Variants in AOPEP observed in about 807,000 individuals in gnomAD.
The protein encoded by AOPEP is aminopeptidase O (putative), also known as aminopeptidase O.
Under a neutral mutation model 98.1 loss-of-function variants are expected in AOPEP, and 77 were observed. That is an observed-to-expected ratio of 0.78 (90% CI 0.65 to 0.95). The LOEUF is 0.95. Ranked by LOEUF, AOPEP falls within the 40% of genes least tolerant of loss-of-function variation. The pLI, the probability that AOPEP is intolerant of heterozygous loss-of-function variation, is 0.00. For missense variants in AOPEP, 1,024 were observed against 1,024.7 expected (o/e 1.00, Z 0.01); for synonymous variants, 346 against 365.3 (o/e 0.95, Z 0.60).
At chr9:95,041,273 C>G (rs1329717802) in intron 13 of AOPEP, among the ~76,000 whole-genome samples, 1 of 151,906 alleles carries the variant, frequency 6.6e-6, no homozygotes, top group Non-Finnish European at 1.5e-5. Flanking sequence ...GTGACTTGCG[C>G]TTTAATCAGT....
At chr9:94,792,720 G>A (rs1221346338) in intron 3 of AOPEP, 45 bp from the exon 4 acceptor site, 2 of 1,510,280 alleles carry the variant, frequency 1.3e-6, no homozygotes, top group African/African-American at 2.8e-5. Context: ...CAGAGCCCAG[G>A]ATCATATATT....
intron 3 of AOPEP, among the ~76,000 whole-genome samples, chr9:94,785,639 C>G (rs1478851537): frequency 6.6e-6 from 1 of 152,196 alleles, no homozygotes; most frequent in Non-Finnish European, 1.5e-5. Context: ...CTCTGTTAGT[C>G]TTGCTAATGA....
the AOPEP span, among the ~76,000 whole-genome samples, chr9:95,103,105 C>T: frequency 6.6e-6 from 1 of 152,156 alleles, no homozygotes; most frequent in African/African-American, 2.4e-5. Context: ...CTGTGGACCC[C>T]TTTCAGTTAA....
rs62579890 is a variant in AOPEP at position 95,003,288 on chromosome 9, A to G, written c.1978-1870A>G. On this transcript the variant is annotated intron_variant, in intron 11 of 16. Transcript: ENST00000375315. ...TATAAGTCTGTAAGATTTAATTTGC[A>G]ATAGTTGTCTTTATTCCTGTTACTG... Among the ~76,000 whole-genome samples, 1,286 of 152,358 alleles carry G rather than the reference A, an allele frequency of 8.4e-3. 10 individuals carry two copies. Among genetic ancestry groups the G allele is most frequent in the Middle Eastern group, 0.017 (5 of 294 alleles).
At chr9:94,968,708 T>G (rs761073914) in intron 10 of AOPEP, among the ~76,000 whole-genome samples, 2 of 152,212 alleles carry the variant, frequency 1.3e-5, no homozygotes, top group Non-Finnish European at 2.9e-5. Flanking sequence ...AATTTTAGTT[T>G]TTTAACCTAT....
chr9:94,997,759 C>T (rs1469330612), intron 11 of AOPEP, among the ~76,000 whole-genome samples: 1 of 152,174 alleles, frequency 6.6e-6, no homozygotes, highest in East Asian at 1.9e-4. Context: ...GGTGGCACAA[C>T]AGTGGCTCAC....
intron 11 of AOPEP, among the ~76,000 whole-genome samples, chr9:94,991,518 T>C (rs2060891823): frequency 1.3e-5 from 2 of 152,220 alleles, no homozygotes; most frequent in African/African-American, 2.4e-5. Context: ...AGTACAGGAT[T>C]CTAAGTCTTC....
rs369861586 is a variant in AOPEP at position 94,760,498 on chromosome 9, G to A, written c.715G>A (p.Asp239Asn). 1.6e-5 allele frequency: 26 copies of A among 1,609,842 alleles called. No individual in the cohort carries two copies. Among genetic ancestry groups the A allele is most frequent in the Non-Finnish European group, 2.1e-5 (25 of 1,178,616 alleles). The part of the protein sequence containing the change: ...IRKTGAQTAT[D>N]FPHAIRIWYK... ...GAAGACAGGGGCTCAGACAGCTACTGACTTTCCTCATGCTATCAGGATATG... is the reference window on the plus strand; with the variant it reads ...GAAGACAGGGGCTCAGACAGCTACTAACTTTCCTCATGCTATCAGGATATG... The change falls in exon 2 of 17, where the codon GAC becomes AAC. Residue 239 changes from aspartate (D) to asparagine (N), a missense_variant. Physicochemically the swap from Asp to Asn is conservative, Grantham distance 23. Coordinates refer to ENST00000375315, the MANE Select transcript of AOPEP (RefSeq NM_001193329.3).
intron 13 of AOPEP, among the ~76,000 whole-genome samples, chr9:95,049,771 A>G (rs1226314574): frequency 6.6e-6 from 1 of 152,250 alleles, no homozygotes; most frequent in Non-Finnish European, 1.5e-5. Flanking sequence ...AGCACATCTT[A>G]GGTTTTAATC....
chr9:94,918,713 A>G (rs2053170128), intron 5 of AOPEP, among the ~76,000 whole-genome samples: 2 of 152,190 alleles, frequency 1.3e-5, no homozygotes, highest in Non-Finnish European at 2.9e-5. Flanking sequence ...GGGTAGAGCA[A>G]TGAGATGGCA....
Position 94,760,285 on chromosome 9 carries a change from G to C in AOPEP, c.502G>C (p.Glu168Gln), listed in dbSNP as rs1461849971. 1.2e-6 allele frequency: 2 copies of C among 1,614,156 alleles called. No individual in the cohort carries two copies. Among genetic ancestry groups the C allele is most frequent in the Middle Eastern group, 1.6e-4 (1 of 6,062 alleles). Residue 168 changes from glutamate to glutamine, a missense_variant, in exon 2 of 17, where the codon GAA (glutamate) becomes CAA (glutamine). Glu to Gln is a conservative substitution (Grantham distance 29). Transcript: ENST00000375315. ...GGATGTTGCTGCTGTGCCAGGTCTG[G>C]AAAAATTTACAAGGTCTCCTGAGCT... ...EVDVAAVPGL[E>Q]KFTRSPELTV...
intron 1 of AOPEP, among the ~76,000 whole-genome samples, chr9:94,745,477 G>A (rs1032899515): frequency 2.1e-4 from 32 of 151,768 alleles, no homozygotes; most frequent in Non-Finnish European, 3.4e-4. Context: ...GGGTTTCACC[G>A]TGTTAGCCAG....
At chr9:94,828,756 C>A (rs866498566) in intron 5 of AOPEP, among the ~76,000 whole-genome samples, 97 of 151,580 alleles carry the variant, frequency 6.4e-4, no homozygotes, top group African/African-American at 1.6e-3. Flanking sequence ...TACACACACA[C>A]AATATATATA....
chr9:95,053,304 CTTA>C (rs1564577570), intron 13 of AOPEP, among the ~76,000 whole-genome samples: 1 of 152,146 alleles, frequency 6.6e-6, no homozygotes. Context: ...TCCTTATTTT[CTTA>C]TTATGTATCT....
At chr9:94,739,034 A>G (rs761605327) in intron 1 of AOPEP, among the ~76,000 whole-genome samples, 5 of 152,196 alleles carry the variant, frequency 3.3e-5, no homozygotes, top group Non-Finnish European at 7.3e-5. Context: ...GAATGCCAGG[A>G]AAGCTCCTGG....
chr9:94,741,116 A>C (rs534468453), intron 1 of AOPEP, among the ~76,000 whole-genome samples: 145 of 152,240 alleles, frequency 9.5e-4, no homozygotes, highest in Middle Eastern at 3.4e-3. Context: ...TGAGCCTGGC[A>C]AATTCAGGTA....
At chr9:95,015,079 A>G (rs575981158) in intron 13 of AOPEP, among the ~76,000 whole-genome samples, 17 of 152,300 alleles carry the variant, frequency 1.1e-4, no homozygotes, top group South Asian at 6.2e-4. Flanking sequence ...TATATGATGC[A>G]TTTTTACCCG....
intron 13 of AOPEP, among the ~76,000 whole-genome samples, chr9:95,015,487 A>G (rs2062898771): frequency 6.6e-6 from 1 of 152,230 alleles, no homozygotes; most frequent in Non-Finnish European, 1.5e-5. Flanking sequence ...TGATGTTCAC[A>G]ACGTACAAAA....
intron 3 of AOPEP, among the ~76,000 whole-genome samples, chr9:94,789,616 G>A (rs996349289): frequency 4.6e-5 from 7 of 152,168 alleles, no homozygotes; most frequent in African/African-American, 1.4e-4. Context: ...GGAGACATTG[G>A]GTTCCAGGTA....
Sources: allele counts gnomAD v4.1 joint callset (sites outside exome capture counted in the v4.1 genomes callset), GRCh38; gene constraint gnomAD v4.1.1; transcripts MANE v1.5; gene names NCBI Gene and HGNC (gene_info 2026-07-23, HGNC 2026-07-21).